Variants in C3orf70 observed in about 807,000 individuals in gnomAD.
C3orf70 encodes UPF0524 protein C3orf70.
In C3orf70, 15 loss-of-function variants were observed where a neutral mutation model predicts 20.7. The observed-to-expected ratio is 0.72, with a 90% CI of 0.48 to 1.11. C3orf70 has a LOEUF of 1.11. Ranked by LOEUF, C3orf70 falls within the 50% of genes most tolerant of loss-of-function variation. The pLI is 0.00. For synonymous variants in C3orf70, 161 were observed against 125.7 expected, an observed-to-expected ratio of 1.28 and a Z score of -1.88; for missense variants, 332 against 317.6, an observed-to-expected ratio of 1.05 and a Z score of -0.34.
intron 1 of C3orf70, among the ~76,000 whole-genome samples, chr3:185,135,738 A>C (rs1244811799): frequency 6.6e-6 from 1 of 152,214 alleles, no homozygotes; most frequent in Non-Finnish European, 1.5e-5. Context: ...TGCATGTAAC[A>C]AAATATCACA....
intron 1 of C3orf70, among the ~76,000 whole-genome samples, chr3:185,103,020 G>A (rs1353657532): frequency 1.3e-5 from 2 of 152,108 alleles, no homozygotes; most frequent in African/African-American, 2.4e-5. Flanking sequence ...TGAGGTGAGT[G>A]GATCACCTGA....
At chr3:185,106,979 C>G (rs1001710885) in intron 1 of C3orf70, among the ~76,000 whole-genome samples, 2 of 151,736 alleles carry the variant, frequency 1.3e-5, no homozygotes, top group African/African-American at 2.4e-5. Context: ...CGTATGTGGA[C>G]ATGGGGAAAA....
chr3:185,088,249 T>G (rs932833195), intron 1 of C3orf70, among the ~76,000 whole-genome samples: 5 of 152,194 alleles, frequency 3.3e-5, no homozygotes, highest in African/African-American at 9.7e-5. Context: ...ATTAACAGAC[T>G]ACAGGGAAAA....
In C3orf70 at chr3:185,077,165, G is replaced by A. The variant is rs956192176; in HGVS notation, c.*5842C>T. Among the ~76,000 whole-genome samples, 2 of 152,062 alleles carry A rather than the reference G, an allele frequency of 1.3e-5. No homozygotes were observed. The highest frequency in any genetic ancestry group is 6.6e-5 in the Admixed American group (1 of 15,264). ...GGCACTGTATGGAGGACAGAGAAGG[G>A]GACAAAGAGGGAAGCCTGTCAGTGT... On this transcript the variant is annotated 3_prime_UTR_variant, in exon 2 of 2. Transcript: ENST00000335012.
chr3:185,137,088 G>A (rs776058595), intron 1 of C3orf70, among the ~76,000 whole-genome samples: 17 of 152,276 alleles, frequency 1.1e-4, no homozygotes, highest in Non-Finnish European at 2.2e-4. Context: ...GGGACCTGGT[G>A]GAAGGTAACT....
intron 1 of C3orf70, among the ~76,000 whole-genome samples, chr3:185,109,275 T>G (rs1394003832): frequency 6.6e-6 from 1 of 152,172 alleles, no homozygotes; most frequent in Non-Finnish European, 1.5e-5. Flanking sequence ...ATTGGTTTGG[T>G]GGAGAGATCC....
rs558360557 is a variant in C3orf70 at position 185,120,495 on chromosome 3, T to C, written c.196+32133A>G. 2.0e-5 allele frequency among the ~76,000 whole-genome samples: 3 copies of C among 152,156 alleles called. No individual in the cohort carries two copies. In the East Asian group the frequency reaches 5.8e-4, roughly 29 times the overall value. ...ATCTATACACCCAACAAAGGACTAA[T>C]ACCCAGAATCTACAAGGAATTCAAA... On this transcript the variant is annotated intron_variant, in intron 1 of 1. Transcript: ENST00000335012.
intron 1 of C3orf70, among the ~76,000 whole-genome samples, chr3:185,086,011 GTTCATCCT>G (rs1715451531): frequency 1.3e-5 from 2 of 152,158 alleles, no homozygotes; most frequent in Non-Finnish European, 2.9e-5. Flanking sequence ...TGCTGATTAG[GTTCATCCT>G]GCCCTAAGTA....
chr3:185,116,736 C>T (rs1716182576), intron 1 of C3orf70, among the ~76,000 whole-genome samples: 1 of 151,780 alleles, frequency 6.6e-6, no homozygotes, highest in African/African-American at 2.4e-5. Context: ...GAATCATAGA[C>T]TATGATAGAA....
intron 1 of C3orf70, among the ~76,000 whole-genome samples, chr3:185,128,509 A>G (rs1281555840): frequency 6.6e-6 from 1 of 151,298 alleles, no homozygotes; most frequent in African/African-American, 2.4e-5. Context: ...GCCTGGCTAC[A>G]GAGCGAGACT....
At chr3:185,148,114 TTTTCTTTAC>T (rs1314245649) in intron 1 of C3orf70, among the ~76,000 whole-genome samples, 1 of 152,208 alleles carries the variant, frequency 6.6e-6, no homozygotes, top group Non-Finnish European at 1.5e-5. Flanking sequence ...AGCTTAATGG[TTTTCTTTAC>T]TTCTCACGCT....
In C3orf70 at chr3:185,124,668, TA is replaced by T. The variant is rs747963128; in HGVS notation, c.196+27959del. Among the ~76,000 whole-genome samples the T allele has an allele frequency of 2.4e-4, 37 of 151,236 alleles. 1 individual carries two copies. The highest frequency in any genetic ancestry group is 9.7e-4 in the East Asian group (5 of 5,166). ...ACAGAACACGAAAAGCATAAACCGT[TA>T]AAAAAAAATGTTAAATTGAGCATCA... On this transcript the variant is annotated intron_variant, in intron 1 of 1. Coordinates refer to ENST00000335012, the MANE Select transcript of C3orf70 (RefSeq NM_001025266.3).
rs760679277 is a variant in C3orf70 at position 185,083,394 on chromosome 3, C to T, written c.366G>A (p.Arg122=). The T allele has an allele frequency of 1.2e-6, 2 of 1,613,918 alleles. No individual in the cohort carries two copies. The highest frequency in any genetic ancestry group is 1.7e-6 in the Non-Finnish European group (2 of 1,180,024). ...FQPPLPPDSP[R]YCMISDLFID... is the part of the protein sequence containing the mutation. ...TAAAAAGGTCTGAAATCATACAGTACCTCGGTGAGTCAGGGGGAAGGGGAG... is the reference window on the plus strand; with the variant it reads ...TAAAAAGGTCTGAAATCATACAGTATCTCGGTGAGTCAGGGGGAAGGGGAG... Residue 122 remains arginine (R), a synonymous_variant, in exon 2 of 2, where the codon AGG becomes AGA. Transcript: ENST00000335012.
chr3:185,139,338 A>G (rs915447999), intron 1 of C3orf70, among the ~76,000 whole-genome samples: 2 of 152,102 alleles, frequency 1.3e-5, no homozygotes, highest in Non-Finnish European at 2.9e-5. Context: ...AGATCACCAG[A>G]GGTCAGGAGT....
Position 185,083,216 on chromosome 3 carries a change from A to G in C3orf70, c.544T>C (p.Ser182Pro). 2.5e-6 allele frequency: 4 copies of G among 1,614,168 alleles called. No individual in the cohort carries two copies. Among genetic ancestry groups the G allele is most frequent in the Non-Finnish European group, 3.4e-6 (4 of 1,180,026 alleles). ...GAGTCCTCAGAACTTGAGGGAGAAG[A>G]GCAGTGATCTATTTTTGGTGTATTG... ...ESNTPKIDHC[S>P]SPSSSEDSGI... The change falls in exon 2 of 2, where the codon TCT becomes CCT. Residue 182 changes from serine to proline, a missense_variant. Physicochemically the swap from Ser to Pro is moderately conservative, Grantham distance 74. Transcript: ENST00000335012.
chr3:185,091,937 ATATATATATATATATATATATATATATTT>A (rs1298816089), intron 1 of C3orf70, among the ~76,000 whole-genome samples: 545 of 11,030 alleles, frequency 0.049, 50 homozygotes, highest in African/African-American at 0.12. Context: ...ATATATATAT[ATATATATATATATATATATATATATATTT>A]TTTTTTTTTT....
chr3:185,123,357 G>A (rs1277707341), intron 1 of C3orf70, among the ~76,000 whole-genome samples: 2 of 151,892 alleles, frequency 1.3e-5, no homozygotes, highest in Non-Finnish European at 2.9e-5. Flanking sequence ...CATATGTAGT[G>A]GTGACCCATC....
At chr3:185,093,004 AAAG>A (rs1308937553) in intron 1 of C3orf70, among the ~76,000 whole-genome samples, 3 of 151,652 alleles carry the variant, frequency 2.0e-5, no homozygotes, top group Non-Finnish European at 2.9e-5. Context: ...AAAAAAAAAA[AAAG>A]AAAGGGACAA....
At chr3:185,118,889 T>C (rs1228522214) in intron 1 of C3orf70, among the ~76,000 whole-genome samples, 1 of 152,230 alleles carries the variant, frequency 6.6e-6, no homozygotes, top group Non-Finnish European at 1.5e-5. Flanking sequence ...ACTCTACTAC[T>C]GAAAAGACAC....
Sources: allele counts gnomAD v4.1 joint callset (sites outside exome capture counted in the v4.1 genomes callset), GRCh38; gene constraint gnomAD v4.1.1; transcripts MANE v1.5; gene names NCBI Gene and HGNC (gene_info 2026-07-23, HGNC 2026-07-21).